The following RGS3 variants were observed in gnomAD, a reference collection of about 807,000 sequenced individuals.
The protein encoded by RGS3 is regulator of G-protein signalling 3.
A neutral mutation model predicts 132.6 loss-of-function variants in RGS3; 80 were observed. The ratio of observed to expected loss-of-function variants is 0.60; its 90% CI spans 0.50 to 0.73. RGS3 has a LOEUF of 0.73. RGS3 is among the 30% of genes least tolerant of loss of function. RGS3 has a pLI of 0.00. For synonymous variants in RGS3, 598 were observed against 620.6 expected (o/e 0.96, Z 0.54); for missense variants, 1,382 against 1,530.8 (o/e 0.90, Z 1.62).
chr9:113,468,783 C>CA (rs1378023222), intron 3 of RGS3, among the ~76,000 whole-genome samples: 1 of 152,086 alleles, frequency 6.6e-6, no homozygotes, highest in Admixed American at 6.5e-5. Flanking sequence ...GCCTTTTCTG[C>CA]AGGGTATCTG....
At chr9:113,459,564 A>G (rs1052523235), upstream of RGS3, among the ~76,000 whole-genome samples, 4 of 152,194 alleles carry the variant, frequency 2.6e-5, no homozygotes, top group Admixed American at 2.0e-4. Flanking sequence ...ATCCTGGCCA[A>G]CATGGTGAAA....
intron 1 of RGS3, among the ~76,000 whole-genome samples, chr9:113,453,267 CATAATATACTCATTATAT>C (rs1829299923): frequency 1.7e-5 from 1 of 57,778 alleles, no homozygotes; most frequent in East Asian, 4.5e-4. Context: ...TATATGATTA[CATAATATACTCATTATAT>C]GATTACATAA....
At chr9:113,447,598 TC>T (rs1829141574) in intron 1 of RGS3, among the ~76,000 whole-genome samples, 1 of 151,820 alleles carries the variant, frequency 6.6e-6, no homozygotes, top group Non-Finnish European at 1.5e-5. Flanking sequence ...TTTTATTTGC[TC>T]ATTCATTTAT....
At chr9:113,487,890 C>T (rs1192761273) in intron 7 of RGS3, among the ~76,000 whole-genome samples, 2 of 152,100 alleles carry the variant, frequency 1.3e-5, no homozygotes, top group Admixed American at 1.3e-4. Context: ...TTAGGTGCCG[C>T]GTCAGATTAA....
chr9:113,526,050 G>A (rs186268959), intron 17 of RGS3, among the ~76,000 whole-genome samples: 15 of 152,324 alleles, frequency 9.8e-5, no homozygotes, highest in African/African-American at 2.6e-4. Flanking sequence ...CCGGTCAGCC[G>A]GGGCCCATTG....
At chr9:113,464,407 C>T (rs951985288) in intron 3 of RGS3, among the ~76,000 whole-genome samples, 7 of 152,120 alleles carry the variant, frequency 4.6e-5, no homozygotes, top group African/African-American at 1.4e-4. Context: ...TAGGAGGGTC[C>T]CAGGGCTGCC....
chr9:113,580,499 G>A (rs146378150), intron 19 of RGS3, among the ~76,000 whole-genome samples: 1 of 152,330 alleles, frequency 6.6e-6, no homozygotes, highest in Non-Finnish European at 1.5e-5. Context: ...GATATCACTG[G>A]GCTCAATTCC....
intron 16 of RGS3, among the ~76,000 whole-genome samples, chr9:113,522,049 C>G (rs1831983086): frequency 6.6e-6 from 1 of 152,208 alleles, no homozygotes; most frequent in Non-Finnish European, 1.5e-5. Flanking sequence ...ACAGTGTAAT[C>G]TTTAGTGGCA....
chr9:113,512,980 T>G (rs1288244129), intron 14 of RGS3, among the ~76,000 whole-genome samples: 1 of 152,186 alleles, frequency 6.6e-6, no homozygotes, highest in Non-Finnish European at 1.5e-5. Context: ...GCGGATCACC[T>G]GAGGTTGGGA....
chr9:113,516,361 CTTT>C (rs555623581), intron 15 of RGS3, among the ~76,000 whole-genome samples: 1 of 144,696 alleles, frequency 6.9e-6, no homozygotes, highest in Non-Finnish European at 1.5e-5. Flanking sequence ...CTTTCTTTTT[CTTT>C]TTTTTTTTTT....
chr9:113,483,194 C>T (rs889378147), intron 5 of RGS3, 77 bp downstream of exon 3: 35 of 1,011,120 alleles, frequency 3.5e-5, no homozygotes, highest in Non-Finnish European at 5.0e-5. Flanking sequence ...GGTCCCAGCA[C>T]ACCTGTGGGG....
At chr9:113,536,889 C>G in exon 19 of RGS3, 1 of 1,614,100 alleles carries the variant, frequency 6.2e-7, no homozygotes, top group Non-Finnish European at 8.5e-7. Context: ...CAAGCAGCAA[C>G]AGCTGGCAGC....
At position 113,590,940 on chromosome 9, in the gene RGS3, A is replaced by G. The variant is rs138582064; in HGVS notation, c.3016-393A>G. Among the ~76,000 whole-genome samples the G allele has an allele frequency of 3.5e-3, 529 of 152,356 alleles. 2 individuals are homozygous for G. The highest frequency in any genetic ancestry group is 0.012 in the African/African-American group (503 of 41,578). On this transcript the variant is annotated intron_variant, in intron 20 of 24. Coordinates refer to ENST00000350696, the Ensembl canonical transcript of RGS3. The stretch of plus-strand genomic sequence containing the variant: ...ACTTCAGAATCCTGACTTAATCATT[A>G]TGATCCTGATTTTAGAAATTAAGGA...
At chr9:113,547,783 T>C (rs1212754313) in intron 19 of RGS3, among the ~76,000 whole-genome samples, 2 of 152,210 alleles carry the variant, frequency 1.3e-5, no homozygotes, top group African/African-American at 4.8e-5. Context: ...GCCATTGGCT[T>C]TTTCATCACC....
exon 25 of RGS3, chr9:113,597,149 T>A: frequency 1.8e-6 from 1 of 557,154 alleles, no homozygotes; most frequent in South Asian, 2.4e-5. Flanking sequence ...ATGGGCCCCG[T>A]GGGGTCCCCA....
At chr9:113,559,258 GCACAGTGGGT>G (rs1202897959) in intron 19 of RGS3, among the ~76,000 whole-genome samples, 3 of 152,256 alleles carry the variant, frequency 2.0e-5, no homozygotes, top group African/African-American at 7.2e-5. Context: ...GCTGGCACAA[GCACAGTGGGT>G]CGAGGATTGC....
rs1304702606 is a variant in RGS3, at chr9:113,507,500, G to A, written c.1299G>A (p.Gly433=). 3.1e-6 allele frequency: 5 copies of A among 1,611,300 alleles called. No homozygotes were observed. The South Asian group carries it at 4.4e-5, about 14-fold the overall frequency. ...ACCTGGTATGTGACAGCTCTGATGGGCTGCTGCTCGGCGGCTGGGAGCGCT... is the reference window on the plus strand; with the variant it reads ...ACCTGGTATGTGACAGCTCTGATGGACTGCTGCTCGGCGGCTGGGAGCGCT... The change falls in exon 13 of 25, where the codon GGG becomes GGA. Residue 433 remains glycine (G), a synonymous_variant. Coordinates refer to ENST00000350696, the Ensembl canonical transcript of RGS3. This position sits in a 1 kb window ranked among gnomAD's most constrained non-coding sequence, Gnocchi z 5.0.
intron 19 of RGS3, among the ~76,000 whole-genome samples, chr9:113,553,853 G>T (rs1167583878): frequency 6.6e-6 from 1 of 151,906 alleles, no homozygotes; most frequent in Non-Finnish European, 1.5e-5. Flanking sequence ...CCAAAAAAAA[G>T]AAAGAAATAT....
intron 17 of RGS3, among the ~76,000 whole-genome samples, chr9:113,528,853 T>C (rs1286368658): frequency 6.6e-6 from 1 of 152,184 alleles, no homozygotes; most frequent in African/African-American, 2.4e-5. Context: ...AAAATCCAGA[T>C]GTGTGCTGCC....
Sources: allele counts gnomAD v4.1 joint callset (sites outside exome capture counted in the v4.1 genomes callset), GRCh38; gene constraint gnomAD v4.1.1; non-coding constraint Gnocchi (gnomAD v3.1); transcripts MANE v1.5; gene names NCBI Gene and HGNC (gene_info 2026-07-23, HGNC 2026-07-21).